Variants in SSBP2 observed in about 807,000 individuals in gnomAD.
The protein encoded by SSBP2 is single-stranded DNA-binding protein 2.
A neutral mutation model predicts 61.8 loss-of-function variants in SSBP2; 17 were observed. That is an observed-to-expected ratio of 0.28 (90% CI 0.19 to 0.41). The LOEUF (loss-of-function observed/expected upper bound fraction) is 0.41, where lower values mean the gene tolerates loss of function less well. Ranked by LOEUF, SSBP2 falls within the 10% of genes least tolerant of loss-of-function variation. The pLI is 1.00. For synonymous variants in SSBP2, 139 were observed against 141.3 expected, an observed-to-expected ratio of 0.98 and a Z score of 0.12; for missense variants, 310 against 458.7, an observed-to-expected ratio of 0.68 and a Z score of 2.96.
At chr5:81,634,553 G>T (rs1748026597) in intron 3 of SSBP2, among the ~76,000 whole-genome samples, 1 of 152,166 alleles carries the variant, frequency 6.6e-6, no homozygotes, top group African/African-American at 2.4e-5. Context: ...ATTTTTTACA[G>T]AGTTTTACTC....
chr5:81,474,326 T>C (rs1016402814), intron 7 of SSBP2, among the ~76,000 whole-genome samples, 170 bp downstream of exon 7: 3 of 152,214 alleles, frequency 2.0e-5, no homozygotes, highest in African/African-American at 7.2e-5. Flanking sequence ...CTCACTATCA[T>C]GCATAATTAA....
chr5:81,615,415 A>G, intron 4 of SSBP2, 58 bp downstream of exon 4: 1 of 1,213,412 alleles, frequency 8.2e-7, no homozygotes, highest in Non-Finnish European at 1.2e-6. Context: ...ATTTTTTAAG[A>G]GCAGTGGTTA....
At chr5:81,428,498 A>G in intron 16 of SSBP2, 87 bp downstream of exon 16, 1 of 888,670 alleles carries the variant, frequency 1.1e-6, no homozygotes, top group South Asian at 1.5e-5. Flanking sequence ...CTAGATAAAC[A>G]GCAGTAAAAG....
chr5:81,585,802 T>A (rs55831407), intron 4 of SSBP2, among the ~76,000 whole-genome samples: 7,203 of 152,150 alleles, frequency 0.047, 551 homozygotes, highest in African/African-American at 0.16. Context: ...TTGACCAGCA[T>A]CTCCCCAGTA....
chr5:81,438,380 C>T (rs1436520223), intron 14 of SSBP2, among the ~76,000 whole-genome samples: 13 of 149,856 alleles, frequency 8.7e-5, no homozygotes, highest in Non-Finnish European at 7.4e-5. Context: ...TAGAATCATA[C>T]ATTAGGTAAC....
At chr5:81,424,193 AGGTG>A (rs1031019024) in intron 16 of SSBP2, among the ~76,000 whole-genome samples, 1 of 152,170 alleles carries the variant, frequency 6.6e-6, no homozygotes, top group Admixed American at 6.5e-5. Context: ...TGGGAGGCCG[AGGTG>A]GGTGGATCCT....
intron 5 of SSBP2, among the ~76,000 whole-genome samples, chr5:81,497,814 A>G (rs947692590): frequency 2.0e-5 from 3 of 152,122 alleles, no homozygotes; most frequent in African/African-American, 4.8e-5. Context: ...GTTGAAAATA[A>G]TGAGTCTTAG....
chr5:81,615,498 C>T lies in SSBP2; in HGVS notation c.257G>A (p.Ser86Asn), dbSNP rs11555880. Residue 86 changes from serine to asparagine, a missense_variant, in exon 4 of 17, where the codon AGT (serine) becomes AAT (asparagine). Transcript: ENST00000320672. ...GTAATCATGGAAGGCTTTTGCTTCA[C>T]TTGAGTGTTCACATGTTTCACGTCT... The T allele has an allele frequency of 7.2e-5, 116 of 1,613,598 alleles. No homozygotes were observed. Among genetic ancestry groups the T allele is most frequent in the Non-Finnish European group, 9.5e-5 (112 of 1,179,808 alleles).
rs189265825 is a variant in SSBP2, at chr5:81,469,444, C to T, written c.571-2403G>A. Among the ~76,000 whole-genome samples, 3 of 151,930 alleles carry T rather than the reference C, an allele frequency of 2.0e-5. No individual in the cohort carries two copies. The East Asian group carries it at 5.8e-4, about 29-fold the overall frequency. ...AATGAGTCCTCTTTTCACTAGCTTCCATAGCCCTCAACGCTAACAGAATTA... is the reference window on the plus strand; with the variant it reads ...AATGAGTCCTCTTTTCACTAGCTTCTATAGCCCTCAACGCTAACAGAATTA... On this transcript the variant is annotated intron_variant, in intron 8 of 16. Transcript: ENST00000320672.
chr5:81,477,623 C>T (rs1229269516), intron 6 of SSBP2, among the ~76,000 whole-genome samples: 1 of 152,028 alleles, frequency 6.6e-6, no homozygotes, highest in African/African-American at 2.4e-5. Context: ...GCCCCACCCC[C>T]CACACCCGCC....
intron 4 of SSBP2, among the ~76,000 whole-genome samples, chr5:81,569,390 G>A (rs183673781): frequency 5.0e-3 from 759 of 152,150 alleles, no homozygotes; most frequent in Non-Finnish European, 8.2e-3. Context: ...AGTAGACTGG[G>A]GAGTGGGGAA....
intron 4 of SSBP2, among the ~76,000 whole-genome samples, chr5:81,565,589 A>G (rs1773361257): frequency 6.6e-6 from 1 of 152,188 alleles, no homozygotes; most frequent in Non-Finnish European, 1.5e-5. Flanking sequence ...TTCCCATGAC[A>G]CGGTATACAT....
At chr5:81,662,875 GA>G (rs1750813142) in intron 1 of SSBP2, among the ~76,000 whole-genome samples, 1 of 152,132 alleles carries the variant, frequency 6.6e-6, no homozygotes. Context: ...CCATTCATAT[GA>G]ACAAAATCCA....
intron 4 of SSBP2, among the ~76,000 whole-genome samples, chr5:81,547,175 G>A (rs1202054980): frequency 4.6e-5 from 7 of 151,942 alleles, no homozygotes; most frequent in Admixed American, 4.6e-4. Context: ...GCAAAACGGC[G>A]CAGCCACTTT....
In SSBP2 at chr5:81,751,013, G is replaced by A; in HGVS notation, c.30C>T (p.Ser10=). The stretch of plus-strand genomic sequence containing the variant: ...GGGCCTGGCTGTCGGACGGGACGGC[G>A]CTGCTGTTACTCTTGCCTTTGCCGT... Residue 10 remains serine (S), a synonymous_variant, in exon 1 of 17, where the codon AGC becomes AGT. Coordinates refer to ENST00000320672, the MANE Select transcript of SSBP2 (RefSeq NM_012446.5). 1 of 1,599,332 alleles carries A rather than the reference G, an allele frequency of 6.3e-7. No individual in the cohort carries two copies. The highest frequency in any genetic ancestry group is 1.1e-5 in the South Asian group (1 of 88,490).
intron 12 of SSBP2, among the ~76,000 whole-genome samples, chr5:81,445,135 AT>A (rs200949820): frequency 4.6e-5 from 2 of 43,808 alleles, no homozygotes; most frequent in African/African-American, 1.5e-4. Context: ...GAAAAAAAAA[AT>A]TTTATATATA....
At chr5:81,505,585 A>C (rs183419585) in intron 5 of SSBP2, among the ~76,000 whole-genome samples, 5 of 152,266 alleles carry the variant, frequency 3.3e-5, no homozygotes, top group Admixed American at 3.3e-4. Flanking sequence ...TTTCCTCTCT[A>C]TATAAATTTT....
chr5:81,697,429 C>T (rs560987323), intron 1 of SSBP2, among the ~76,000 whole-genome samples: 1 of 152,212 alleles, frequency 6.6e-6, no homozygotes, highest in Non-Finnish European at 1.5e-5. Flanking sequence ...ATGCTTTTAT[C>T]GCAATAGTCT....
At chr5:81,543,053 C>A (rs1012638569) in intron 4 of SSBP2, among the ~76,000 whole-genome samples, 1 of 152,042 alleles carries the variant, frequency 6.6e-6, no homozygotes, top group Non-Finnish European at 1.5e-5. Context: ...CGGGGTTTCA[C>A]CATGGTGGCC....
Sources: allele counts gnomAD v4.1 joint callset (sites outside exome capture counted in the v4.1 genomes callset), GRCh38; gene constraint gnomAD v4.1.1; transcripts MANE v1.5; gene names NCBI Gene and HGNC (gene_info 2026-07-23, HGNC 2026-07-21).